ZNF230: variants seen among roughly 807,000 people sequenced by gnomAD.
The protein encoded by ZNF230 is zinc finger protein 230.
ZNF230 carries 12 observed loss-of-function variants against 10.0 expected under a neutral mutation model. The ratio of observed to expected loss-of-function variants is 1.20; its 90% CI spans 0.77 to 1.95. The LOEUF (loss-of-function observed/expected upper bound fraction) is 1.95. ZNF230 is among the 30% of genes most tolerant of loss of function. ZNF230 has a pLI of 0.00. For synonymous variants in ZNF230, 174 were observed against 193.6 expected (o/e 0.90, Z 0.84); for missense variants, 532 against 565.8 (o/e 0.94, Z 0.61).
In ZNF230 at chr19:44,007,050, A is replaced by T. The variant is rs2356549; in HGVS notation, c.-29A>T. ...TCCTTTGTGCTCCATTACTCAAGAC[A>T]CTGAAGACTCCAAAAAGTAGTAGGA... On this transcript the variant is annotated 5_prime_UTR_variant, in exon 2 of 5. Coordinates refer to ENST00000429154, the MANE Select transcript of ZNF230 (RefSeq NM_006300.4). The T allele has an allele frequency of 0.68, 1,073,726 of 1,585,674 alleles. 371,972 individuals carry two copies. The highest frequency in any genetic ancestry group is 0.72 in the Non-Finnish European group (826,621 of 1,155,602).
At chr19:44,007,674 C>T (rs375365065) in intron 2 of ZNF230, among the ~76,000 whole-genome samples, 3 of 152,168 alleles carry the variant, frequency 2.0e-5, no homozygotes, top group South Asian at 2.1e-4. Context: ...CCTGTGTTTC[C>T]GTATTCTGTC....
At position 44,013,486 on chromosome 19, in the gene ZNF230, G is replaced by C. The variant is rs2147429200; in HGVS notation, c.*2022G>C. The C allele has an allele frequency of 6.6e-6, 1 of 152,294 alleles. No individual in the cohort carries two copies. The highest frequency in any genetic ancestry group is 1.9e-4 in the East Asian group (1 of 5,188). The allele number at this position is 152,294 out of a possible 1,614,324, so 9.4% of individuals were successfully genotyped here. A position where few individuals can be genotyped will look rare whatever the true frequency, so the allele number is the denominator to read the frequency against. On this transcript the variant is annotated 3_prime_UTR_variant, in exon 5 of 5. Coordinates refer to ENST00000429154, the MANE Select transcript of ZNF230 (RefSeq NM_006300.4). ...AAATTATGATTATGATGTTAAAACT[G>C]TGAAAAGTAGAAAACCACATGGATG...
chr19:44,010,528 A>C lies in ZNF230; in HGVS notation c.489A>C (p.Ser163=). ...TTGATCCTCCTCAGCAGTTCCACTC[A>C]GGAGAGAAGTCTCATACATGCAATG... ...AIFDPPQQFH[S]GEKSHTCNEC... The change falls in exon 5 of 5, where the codon TCA becomes TCC. Residue 163 remains serine, a synonymous_variant. Coordinates refer to ENST00000429154, the MANE Select transcript of ZNF230 (RefSeq NM_006300.4). The C allele has an allele frequency of 6.2e-7, 1 of 1,614,272 alleles. No homozygotes were observed. Among genetic ancestry groups the C allele is most frequent in the Middle Eastern group, 1.6e-4 (1 of 6,062 alleles).
At chr19:44,009,325 C>A in intron 4 of ZNF230, 155 bp downstream of exon 4, 1 of 801,742 alleles carries the variant, frequency 1.2e-6, no homozygotes, top group Non-Finnish European at 2.0e-6. Context: ...TGTTCCCTCC[C>A]TTCCACCCTG....
At chr19:44,007,908 G>C (rs1394034459) in intron 2 of ZNF230, among the ~76,000 whole-genome samples, 1 of 152,212 alleles carries the variant, frequency 6.6e-6, no homozygotes, top group Non-Finnish European at 1.5e-5. Flanking sequence ...CCATGGAACA[G>C]GTTCACTAGT....
chr19:44,008,755 C>T (rs375934191), intron 2 of ZNF230, 35 bp from the exon 3 acceptor site: 1 of 1,608,766 alleles, frequency 6.2e-7, no homozygotes, highest in African/African-American at 1.3e-5. Context: ...AGTCCATGGT[C>T]ATAGGATTGA....
rs373140096 is a variant in ZNF230 at position 44,011,474 on chromosome 19, A to G, written c.*10A>G. On this transcript the variant is annotated 3_prime_UTR_variant, in exon 5 of 5. Transcript: ENST00000429154. ...TTTAAATGATATGTAAGTTGTACAT[A>G]TATATGGGATATGGTATGAAATTTT... is the stretch of plus-strand genomic sequence containing the variant. 5 of 1,559,906 alleles carry G rather than the reference A, an allele frequency of 3.2e-6. No individual in the cohort carries two copies. Among genetic ancestry groups the G allele is most frequent in the Non-Finnish European group, 4.3e-6 (5 of 1,155,282 alleles).
Position 44,010,338 on chromosome 19 carries a change from C to G in ZNF230, c.299C>G (p.Ala100Gly). The change falls in exon 5 of 5, where the codon GCA (alanine) becomes GGA (glycine). Residue 100 changes from alanine to glycine, a missense_variant. Transcript: ENST00000429154. ...TGCCAGCAAATCTGGGAACAAACTG[C>G]AAGTGACTTAACCCAGTCTCAAGAC... ...CPCQQIWEQTASDLTQSQDSI... is the reference protein window; with the variant it reads ...CPCQQIWEQTGSDLTQSQDSI... 6.2e-7 allele frequency: 1 copy of G among 1,614,152 alleles called. No homozygotes were observed. Among genetic ancestry groups the G allele is most frequent in the South Asian group, 1.1e-5 (1 of 91,068 alleles).
chr19:44,010,549 C>A lies in ZNF230; in HGVS notation c.510C>A (p.Cys170Ter), dbSNP rs771969835. 8.1e-6 allele frequency: 13 copies of A among 1,614,198 alleles called. No individual in the cohort carries two copies. Among genetic ancestry groups the A allele is most frequent in the Non-Finnish European group, 1.1e-5 (13 of 1,180,036 alleles). ...ACTCAGGAGAGAAGTCTCATACATG[C>A]AATGAGTGTGGAAAAAGCTTCTGTT... ...QFHSGEKSHTCNECGKSFCYI... is the reference protein window; with the variant it reads ...QFHSGEKSHT Residue 170 changes from cysteine to a stop codon, truncating the protein, a stop_gained, in exon 5 of 5, where the codon TGC (cysteine) becomes TGA (stop). Transcript: ENST00000429154. LOFTEE classifies it low-confidence loss of function (END_TRUNC).
Position 44,011,034 on chromosome 19 carries a change from G to A in ZNF230, c.995G>A (p.Gly332Glu). 6.2e-7 allele frequency: 1 copy of A among 1,614,176 alleles called. No individual in the cohort carries two copies. The highest frequency in any genetic ancestry group is 8.5e-7 in the Non-Finnish European group (1 of 1,180,018). Residue 332 changes from glycine (G) to glutamate (E), a missense_variant, in exon 5 of 5, where the codon GGA (glycine) becomes GAA (glutamate). Transcript: ENST00000429154. ...CATAAGCATCAGATAATTCACACAGGACAGAAACCGTACAATTGTAAAGAA... is the reference window on the plus strand; with the variant it reads ...CATAAGCATCAGATAATTCACACAGAACAGAAACCGTACAATTGTAAAGAA... ...DLHKHQIIHTGQKPYNCKECG... is the reference protein window; with the variant it reads ...DLHKHQIIHTEQKPYNCKECG...
intron 2 of ZNF230, among the ~76,000 whole-genome samples, chr19:44,007,657 C>A (rs955596049): frequency 6.6e-6 from 1 of 152,208 alleles, no homozygotes; most frequent in Non-Finnish European, 1.5e-5. Context: ...GGATCACACA[C>A]CAAGCTCCTG....
In ZNF230 at chr19:44,009,102, C is replaced by T; in HGVS notation, c.161C>T (p.Pro54Leu). Residue 54 changes from proline to leucine, a missense_variant, in exon 4 of 5, where the codon CCT (proline) becomes CTT (leucine). Physicochemically the swap from Pro to Leu is moderately conservative, Grantham distance 98. Coordinates refer to ENST00000429154, the MANE Select transcript of ZNF230 (RefSeq NM_006300.4). The stretch of plus-strand genomic sequence containing the variant: ...TTCACAGGGCATCAACCATTCCACC[C>T]TTTCCACTTCCTAAGGGAAGAAAAG... ...LLSVGHQPFH[P>L]FHFLREEKFW... The T allele has an allele frequency of 1.9e-6, 3 of 1,614,214 alleles. No homozygotes were observed. Among genetic ancestry groups the T allele is most frequent in the Non-Finnish European group, 2.5e-6 (3 of 1,180,032 alleles).
At position 44,010,828 on chromosome 19, in the gene ZNF230, C is replaced by T. The variant is rs370947854; in HGVS notation, c.789C>T (p.His263=). Residue 263 remains histidine, a synonymous_variant, in exon 5 of 5, where the codon CAC becomes CAT. Transcript: ENST00000429154. ...AGAAATGTGGGAGGGCCTTCATTCA[C>T]GATTTCCAGCTTCAGAAACATCAGA... ...ICEKCGRAFI[H]DFQLQKHQII... The T allele has an allele frequency of 1.1e-4, 182 of 1,614,166 alleles. 2 individuals are homozygous for T. The highest frequency in any genetic ancestry group is 5.2e-4 in the South Asian group (47 of 91,084).
chr19:44,010,223 A>G (rs1976161961), intron 4 of ZNF230, 46 bp from the exon 5 acceptor site: 1 of 1,518,516 alleles, frequency 6.6e-7, no homozygotes, highest in South Asian at 1.3e-5. Context: ...AAAACACCAA[A>G]CAAAGGCTTC....
chr19:44,004,247 A>C (rs1976098580), intron 1 of ZNF230: 1 of 152,222 alleles, frequency 6.6e-6, no homozygotes, highest in Non-Finnish European at 1.5e-5. Flanking sequence ...AGAGTAGAAA[A>C]AGTTTTTTAA....
chr19:44,006,979 G>A (rs1196249103), intron 1 of ZNF230, 32 bp from the exon 2 acceptor site: 9 of 982,586 alleles, frequency 9.2e-6, no homozygotes, highest in Non-Finnish European at 1.4e-5. Context: ...ACCATTTCAT[G>A]TCTCTCTTTT....
chr19:44,010,426 A>G lies in ZNF230; in HGVS notation c.387A>G (p.Gly129=). The change falls in exon 5 of 5, where the codon GGA becomes GGG. Residue 129 remains glycine, a synonymous_variant. Transcript: ENST00000429154. ...ATGTCCCCTCCCAGGTTGAGGCAGG[A>G]CTATCTATAATTCATACAGGACAGA... ...QGDVPSQVEA[G]LSIIHTGQKP... The G allele has an allele frequency of 6.2e-7, 1 of 1,614,228 alleles. No homozygotes were observed. The highest frequency in any genetic ancestry group is 8.5e-7 in the Non-Finnish European group (1 of 1,180,028).
intron 2 of ZNF230, 56 bp from the exon 3 acceptor site, chr19:44,008,734 C>T (rs1339996627): frequency 1.9e-6 from 3 of 1,590,076 alleles, no homozygotes; most frequent in Non-Finnish European, 2.6e-6. Context: ...CAATGCTGCT[C>T]CTCCCCCAGT....
chr19:44,009,150 C>T lies in ZNF230; in HGVS notation c.209C>T (p.Thr70Ile), dbSNP rs754499188. The change falls in exon 4 of 5, where the codon ACC becomes ATC. Residue 70 changes from threonine to isoleucine, a missense_variant. Thr to Ile is a moderately conservative substitution (Grantham distance 89, BLOSUM62 -1). Transcript: ENST00000429154. Reference protein sequence around the residue: ...EEKFWMMETATQREGNSGGKT... With the variant: ...EEKFWMMETAIQREGNSGGKT... ...AAGTTTTGGATGATGGAGACAGCAA[C>T]CCAAAGAGAAGGAAATTCAGGTAAG... 5 of 1,614,080 alleles carry T rather than the reference C, an allele frequency of 3.1e-6. No homozygotes were observed. In the South Asian group the frequency reaches 4.4e-5, roughly 14 times the overall value.
Sources: gnomAD v4.1 joint callset for allele counts (sites outside exome capture counted in the v4.1 genomes callset) on GRCh38, gnomAD v4.1.1 for gene constraint, MANE v1.5 for transcripts, NCBI Gene and HGNC (gene_info 2026-07-23, HGNC 2026-07-21) for gene names.